The following USP38 variants were observed in gnomAD, a reference collection of about 807,000 sequenced individuals.
The protein encoded by USP38 is ubiquitin specific peptidase 38, also known as ubiquitin carboxyl-terminal hydrolase 38.
In USP38, 49 loss-of-function variants were observed where a neutral mutation model predicts 94.3. The ratio of observed to expected loss-of-function variants is 0.52; its 90% CI spans 0.41 to 0.66. The LOEUF (loss-of-function observed/expected upper bound fraction) is 0.66. USP38 is among the 30% of genes least tolerant of loss of function. The pLI is 0.00. For missense variants in USP38, 1,128 were observed against 1,229.4 expected, an observed-to-expected ratio of 0.92 and a Z score of 1.23; for synonymous variants, 468 against 463.6, an observed-to-expected ratio of 1.01 and a Z score of -0.12.
At chr4:143,187,087 G>GT (rs966865716) in intron 1 of USP38, among the ~76,000 whole-genome samples, 168 of 150,624 alleles carry the variant, frequency 1.1e-3, no homozygotes, top group African/African-American at 3.0e-3. Context: ...GAGTTGGTTT[G>GT]TTTTTTTTTC....
intron 9 of USP38, 175 bp downstream of exon 9, chr4:143,215,118 C>A: frequency 1.5e-6 from 1 of 652,706 alleles, no homozygotes; most frequent in Non-Finnish European, 2.5e-6. Context: ...AATATTGTGA[C>A]AATTTAAATG....
rs757580977 is a variant in USP38, at chr4:143,203,366, A to G, written c.1051-42A>G. The G allele has an allele frequency of 4.4e-6, 7 of 1,575,776 alleles. No homozygotes were observed. The South Asian group carries it at 4.6e-5, about 10-fold the overall frequency. ...TTGTAGGCTAGAGAATGTGTTACCA[A>G]TTTGTATAAATTCAGCATTGTTTAT... On this transcript the variant is annotated intron_variant, in intron 4 of 9. Transcript: ENST00000307017.
chr4:143,213,806 G>A lies in USP38; in HGVS notation c.1830G>A (p.Val610=), dbSNP rs546836767. Residue 610 remains valine, a synonymous_variant, in exon 9 of 10, where the codon GTG becomes GTA. Coordinates refer to ENST00000307017, the MANE Select transcript of USP38 (RefSeq NM_032557.6). ...ACTGCAGGAGTACCTCACAAAAAGT[G>A]GAAGCCTTTACAGATCTTTCGCTTG... is the stretch of plus-strand genomic sequence containing the variant. ...CLNCRSTSQK[V]EAFTDLSLAF... 108 of 1,613,770 alleles carry A rather than the reference G, an allele frequency of 6.7e-5. No individual in the cohort carries two copies. In the South Asian group the frequency reaches 1.1e-3, roughly 17 times the overall value.
At chr4:143,195,939 AAT>A in intron 3 of USP38, 94 bp downstream of exon 3, 1 of 1,192,424 alleles carries the variant, frequency 8.4e-7, no homozygotes, top group Non-Finnish European at 1.1e-6. Context: ...TCTAATTTTG[AAT>A]ATGTTATTGT....
chr4:143,203,125 T>C (rs7435424), intron 4 of USP38, among the ~76,000 whole-genome samples: 109,841 of 151,902 alleles, frequency 0.72, 40,146 homozygotes, highest in East Asian at 0.83. Context: ...TTCAGAATGG[T>C]GGCAATGACT....
At chr4:143,218,149 T>C (rs996804950) in intron 9 of USP38, among the ~76,000 whole-genome samples, 1 of 152,148 alleles carries the variant, frequency 6.6e-6, no homozygotes, top group Non-Finnish European at 1.5e-5. Context: ...GTAGTTCTTC[T>C]TAACTTCTTA....
chr4:143,187,948 C>G lies in USP38; in HGVS notation c.805C>G (p.Gln269Glu). 6.2e-7 allele frequency: 1 copy of G among 1,612,112 alleles called. No homozygotes were observed. Among genetic ancestry groups the G allele is most frequent in the Non-Finnish European group, 8.5e-7 (1 of 1,179,260 alleles). ...DPNVKDASMT[Q>E]ALCRMIDWLS... is the part of the protein sequence containing the mutation. Reference sequence around the variant, plus strand: ...AAATGTAAAAGATGCAAGTATGACCCAAGCCCTTTGCAGGTACTTCTTCAT... The same window carrying G: ...AAATGTAAAAGATGCAAGTATGACCGAAGCCCTTTGCAGGTACTTCTTCAT... The change falls in exon 2 of 10, where the codon CAA (glutamine) becomes GAA (glutamate). Residue 269 changes from glutamine (Q) to glutamate (E), a missense_variant. Coordinates refer to ENST00000307017, the MANE Select transcript of USP38 (RefSeq NM_032557.6).
At chr4:143,211,804 G>A (rs1448890551) in intron 7 of USP38, among the ~76,000 whole-genome samples, 1 of 152,110 alleles carries the variant, frequency 6.6e-6, no homozygotes, top group Non-Finnish European at 1.5e-5. Context: ...TCTAACCAGT[G>A]TACTCACAAT....
intron 2 of USP38, among the ~76,000 whole-genome samples, chr4:143,195,236 A>G (rs573227550): frequency 6.6e-6 from 1 of 152,276 alleles, no homozygotes; most frequent in African/African-American, 2.4e-5. Context: ...GAGCATCCCA[A>G]ATTTGAAATG....
intron 4 of USP38, among the ~76,000 whole-genome samples, chr4:143,202,536 A>G (rs1731745747): frequency 6.6e-6 from 1 of 152,128 alleles, no homozygotes; most frequent in Non-Finnish European, 1.5e-5. Flanking sequence ...ATAATTAAAA[A>G]TTAATTGAAA....
chr4:143,214,911 G>A lies in USP38; in HGVS notation c.2935G>A (p.Ala979Thr), dbSNP rs376247735. The A allele has an allele frequency of 9.2e-5, 149 of 1,612,700 alleles. No homozygotes were observed. The highest frequency in any genetic ancestry group is 1.2e-4 in the Non-Finnish European group (143 of 1,179,452). ...ACCTCTACAGAAAGAACTTATGGAT[G>A]CTATAACAAAAGACAATAAACTATA... ...DPPLQKELMD[A>T]ITKDNKLYLQ... Residue 979 changes from alanine to threonine, a missense_variant, in exon 9 of 10, where the codon GCT becomes ACT. Coordinates refer to ENST00000307017, the MANE Select transcript of USP38 (RefSeq NM_032557.6).
chr4:143,194,338 T>A (rs1371445571), intron 2 of USP38, among the ~76,000 whole-genome samples: 1 of 152,204 alleles, frequency 6.6e-6, no homozygotes, highest in Admixed American at 6.5e-5. Flanking sequence ...ACAGAGAGGT[T>A]AAATAATCTA....
chr4:143,186,155 A>G (rs1482284215), intron 1 of USP38, 23 bp downstream of exon 1: 2 of 1,603,764 alleles, frequency 1.2e-6, no homozygotes, highest in South Asian at 1.1e-5. Context: ...ATCTTTCAGA[A>G]TATCTCATAA....
chr4:143,214,634 C>T lies in USP38; in HGVS notation c.2658C>T (p.Ser886=), dbSNP rs760405863. The T allele has an allele frequency of 6.2e-7, 1 of 1,613,608 alleles. No individual in the cohort carries two copies. The highest frequency in any genetic ancestry group is 8.5e-7 in the Non-Finnish European group (1 of 1,179,790). Residue 886 remains serine (S), a synonymous_variant, in exon 9 of 10, where the codon TCC becomes TCT. Coordinates refer to ENST00000307017, the MANE Select transcript of USP38 (RefSeq NM_032557.6). ...HQSEALALAS[S]QSHLLGRDSP... is the part of the protein sequence containing the mutation. ...CTGAGGCTCTGGCATTAGCATCCTC[C>T]CAGAGTCATTTACTAGGGAGAGATA...
At chr4:143,212,472 A>G (rs1210073383) in intron 8 of USP38, 48 bp downstream of exon 8, 6 of 1,289,124 alleles carry the variant, frequency 4.7e-6, no homozygotes, top group Non-Finnish European at 5.4e-6. Flanking sequence ...CTTTCATAAC[A>G]GTTTAATTCT....
Position 143,185,756 on chromosome 4 carries a change from C to T in USP38, c.306C>T (p.Ala102=). 1 of 1,614,180 alleles carries T rather than the reference C, an allele frequency of 6.2e-7. No homozygotes were observed. Among genetic ancestry groups the T allele is most frequent in the South Asian group, 1.1e-5 (1 of 91,088 alleles). ...ACTCTCTGGACAGGAAGGATGTAGC[C>T]ATCCTGGACTACATTCACAACGGCC... is the stretch of plus-strand genomic sequence containing the variant. ...GYHSLDRKDV[A]ILDYIHNGLK... is the part of the protein sequence containing the mutation. The change falls in exon 1 of 10, where the codon GCC becomes GCT. Residue 102 remains alanine (A), a synonymous_variant. Transcript: ENST00000307017.
Position 143,185,015 on chromosome 4 carries a change from GCTT to G in USP38, c.-430_-428del, listed in dbSNP as rs1052275334. 3.0e-5 allele frequency: 5 copies of G among 164,786 alleles called. No individual in the cohort carries two copies. The Admixed American group carries it at 3.2e-4, about 11-fold the overall frequency. 10.2% of individuals were successfully genotyped at this position (164,786 alleles called of 1,614,324 possible). ...CGCCTCCTGACTCAGCCCAGGACCG[GCTT>G]CTTCTCACGACCTGCTGGAGACTGG... On this transcript the variant is annotated 5_prime_UTR_variant, in exon 1 of 10. Transcript: ENST00000307017.
chr4:143,190,943 T>C (rs1406197651), intron 2 of USP38, among the ~76,000 whole-genome samples: 1 of 152,136 alleles, frequency 6.6e-6, no homozygotes, highest in African/African-American at 2.4e-5. Flanking sequence ...TAGTACCCAA[T>C]TTAGGAATTT....
Position 143,221,645 on chromosome 4 carries a change from C to T in USP38, c.*1189C>T, listed in dbSNP as rs1018020232. The stretch of plus-strand genomic sequence containing the variant: ...CCAGGAAACTGGAAACATGTCAGTT[C>T]TCCTGGTTCTTGATTATACAGTACT... On this transcript the variant is annotated 3_prime_UTR_variant, in exon 10 of 10. Transcript: ENST00000307017. 3 of 152,128 alleles carry T rather than the reference C, an allele frequency of 2.0e-5. No individual in the cohort carries two copies. Among genetic ancestry groups the T allele is most frequent in the Non-Finnish European group, 2.9e-5 (2 of 67,990 alleles). 9.4% of individuals were successfully genotyped at this position (152,128 alleles called of 1,614,324 possible). A position where few individuals can be genotyped will look rare whatever the true frequency, so the allele number is the denominator to read the frequency against.
Sources: gnomAD v4.1 joint callset for allele counts (sites outside exome capture counted in the v4.1 genomes callset) on GRCh38, gnomAD v4.1.1 for gene constraint, MANE v1.5 for transcripts, NCBI Gene and HGNC (gene_info 2026-07-23, HGNC 2026-07-21) for gene names.